AK5: variants seen among roughly 807,000 people sequenced by gnomAD.
The protein encoded by AK5 is adenylate kinase 5.
In AK5, 27 loss-of-function variants were observed where a neutral mutation model predicts 69.5. The ratio of observed to expected loss-of-function variants is 0.39; its 90% CI spans 0.29 to 0.54. AK5 has a LOEUF of 0.54. Ranked by LOEUF, AK5 falls within the 20% of genes least tolerant of loss-of-function variation. The probability of loss-of-function intolerance (pLI) is 0.71; values close to 1 mark genes in which losing one functional copy is unlikely to be tolerated. For synonymous variants in AK5, 260 were observed against 244.4 expected (o/e 1.06, Z -0.60); for missense variants, 531 against 700.4 (o/e 0.76, Z 2.73).
At chr1:77,294,130 A>G (rs1658850899) in intron 3 of AK5, among the ~76,000 whole-genome samples, 170 bp downstream of exon 3, 1 of 152,258 alleles carries the variant, frequency 6.6e-6, no homozygotes, top group Admixed American at 6.5e-5. Context: ...TTTCAATAAA[A>G]TAGAAATTGT....
chr1:77,480,317 T>A (rs1655183318), intron 8 of AK5, among the ~76,000 whole-genome samples: 1 of 152,196 alleles, frequency 6.6e-6, no homozygotes, highest in African/African-American at 2.4e-5. Context: ...TGCATCTATG[T>A]CCCAGCAGCC....
intron 13 of AK5, among the ~76,000 whole-genome samples, chr1:77,554,771 A>ATTTTTTT (rs1230738530): frequency 8.4e-6 from 1 of 119,690 alleles, no homozygotes; most frequent in Non-Finnish European, 1.7e-5. Context: ...ATGCCCGGCT[A>ATTTTTTT]TTTTTTTTTT....
chr1:77,462,258 G>A (rs1403899187), intron 8 of AK5, among the ~76,000 whole-genome samples: 1 of 152,146 alleles, frequency 6.6e-6, no homozygotes, highest in Non-Finnish European at 1.5e-5. Context: ...ATCCAGCGAG[G>A]CTGGACCTGG....
chr1:77,424,736 G>A (rs2647516), intron 8 of AK5, among the ~76,000 whole-genome samples: 149,259 of 152,282 alleles, frequency 0.98, 73,221 homozygotes, highest in Middle Eastern at 1. Flanking sequence ...AAAGGGAAAG[G>A]CTGAAAAAAC....
intron 8 of AK5, among the ~76,000 whole-genome samples, chr1:77,419,333 A>G (rs764126398): frequency 2.6e-5 from 4 of 152,212 alleles, no homozygotes; most frequent in Non-Finnish European, 5.9e-5. Context: ...TACAGACTGC[A>G]CAAAGAAATG....
At chr1:77,544,973 A>G (rs1435738408) in intron 13 of AK5, among the ~76,000 whole-genome samples, 1 of 152,228 alleles carries the variant, frequency 6.6e-6, no homozygotes, top group Admixed American at 6.5e-5. Flanking sequence ...CATGTGAGTA[A>G]TCCATTGCGC....
At chr1:77,400,834 T>C (rs537268134) in intron 6 of AK5, among the ~76,000 whole-genome samples, 2 of 150,958 alleles carry the variant, frequency 1.3e-5, no homozygotes, top group African/African-American at 4.9e-5. Context: ...TACTCAGATA[T>C]ACACAGCCTT....
At chr1:77,530,416 T>C (rs3767032) in intron 12 of AK5, among the ~76,000 whole-genome samples, 92,617 of 152,132 alleles carry the variant, frequency 0.61, 30,772 homozygotes, top group Non-Finnish European at 0.74. Flanking sequence ...AAATGAGAAA[T>C]AGGCATGCCA....
intron 5 of AK5, among the ~76,000 whole-genome samples, chr1:77,317,693 C>G (rs925625840): frequency 2.6e-5 from 4 of 152,164 alleles, no homozygotes; most frequent in African/African-American, 4.8e-5. Context: ...ACTAATCTTT[C>G]TGAAAGACCA....
intron 5 of AK5, among the ~76,000 whole-genome samples, chr1:77,331,504 A>G (rs1026199184): frequency 6.6e-6 from 1 of 152,136 alleles, no homozygotes; most frequent in Non-Finnish European, 1.5e-5. Flanking sequence ...TATTCTATTC[A>G]TTTCATAAAC....
chr1:77,347,303 C>T (rs1185897163), intron 6 of AK5, among the ~76,000 whole-genome samples: 2 of 152,172 alleles, frequency 1.3e-5, no homozygotes, highest in African/African-American at 2.4e-5. Flanking sequence ...CCTGAAGCAA[C>T]ATGAGAAATA....
chr1:77,505,107 T>C (rs1656952342), intron 10 of AK5, among the ~76,000 whole-genome samples: 1 of 152,208 alleles, frequency 6.6e-6, no homozygotes, highest in Admixed American at 6.5e-5. Flanking sequence ...CCCATCACAA[T>C]GTGTAAGACT....
chr1:77,339,558 C>T (rs1167091218), intron 5 of AK5, among the ~76,000 whole-genome samples: 3 of 151,786 alleles, frequency 2.0e-5, no homozygotes, highest in African/African-American at 7.3e-5. Flanking sequence ...TGATCTCAGA[C>T]AAGTACTTAA....
chr1:77,552,172 C>T (rs1167162963), intron 13 of AK5, among the ~76,000 whole-genome samples: 2 of 152,136 alleles, frequency 1.3e-5, no homozygotes, highest in Admixed American at 6.5e-5. Context: ...CCTGTTAGGT[C>T]GGTGTAGCCA....
chr1:77,490,776 T>G lies in AK5; in HGVS notation c.1147+4424T>G, dbSNP rs979316835. Among the ~76,000 whole-genome samples, 25 of 151,036 alleles carry G rather than the reference T, an allele frequency of 1.7e-4. 1 individual carries two copies. The highest frequency in any genetic ancestry group is 3.3e-4 in the Non-Finnish European group (22 of 67,670). On this transcript the variant is annotated intron_variant, in intron 10 of 13. Transcript: ENST00000354567. ...AACCTTTTCTGGTACATTTCTTTCCTTTTTTCTTTTTTTTTTTTTTTAAAT... is the reference window on the plus strand; with the variant it reads ...AACCTTTTCTGGTACATTTCTTTCCGTTTTTCTTTTTTTTTTTTTTTAAAT...
chr1:77,401,103 A>C (rs922159901), intron 6 of AK5, among the ~76,000 whole-genome samples: 2 of 152,132 alleles, frequency 1.3e-5, no homozygotes, highest in Non-Finnish European at 2.9e-5. Context: ...TTTTGTAGTT[A>C]ATTATGAGGC....
intron 8 of AK5, among the ~76,000 whole-genome samples, chr1:77,482,177 T>C (rs753679821): frequency 1.3e-5 from 2 of 152,222 alleles, no homozygotes; most frequent in Non-Finnish European, 2.9e-5. Flanking sequence ...TATCTAGAAG[T>C]CATTTTTGTT....
intron 5 of AK5, among the ~76,000 whole-genome samples, chr1:77,331,754 G>A (rs1661097203): frequency 6.6e-6 from 1 of 151,902 alleles, no homozygotes; most frequent in South Asian, 2.1e-4. Flanking sequence ...CCTTTTTTTG[G>A]TATTTTACAG....
At chr1:77,501,056 T>G (rs1656689721) in intron 10 of AK5, among the ~76,000 whole-genome samples, 1 of 152,134 alleles carries the variant, frequency 6.6e-6, no homozygotes, top group African/African-American at 2.4e-5. Context: ...AGTCTCTTCC[T>G]AGAAAAGCTG....
Sources: gnomAD v4.1 joint callset for allele counts (sites outside exome capture counted in the v4.1 genomes callset) on GRCh38, gnomAD v4.1.1 for gene constraint, MANE v1.5 for transcripts, NCBI Gene and HGNC (gene_info 2026-07-23, HGNC 2026-07-21) for gene names.